GPHN: variants seen among roughly 807,000 people sequenced by gnomAD.
The protein encoded by GPHN is gephyrin.
GPHN carries 17 observed loss-of-function variants against 95.5 expected under a neutral mutation model. The ratio of observed to expected loss-of-function variants is 0.18; its 90% CI spans 0.12 to 0.27. The LOEUF is 0.27. GPHN is among the 10% of genes least tolerant of loss of function. The pLI, the probability that GPHN is intolerant of heterozygous loss-of-function variation, is 1.00. For synonymous variants in GPHN, 320 were observed against 322.5 expected (o/e 0.99, Z 0.08); for missense variants, 660 against 978.1 (o/e 0.67, Z 4.34).
rs781045927 is a variant in GPHN, at chr14:66,924,230, G to A, written c.766G>A (p.Ala256Thr). 1 of 1,611,036 alleles carries A rather than the reference G, an allele frequency of 6.2e-7. No homozygotes were observed. Among genetic ancestry groups the A allele is most frequent in the South Asian group, 1.1e-5 (1 of 91,030 alleles). ...CTACACCAGTCCTGCTGTTGTCATG[G>A]CACACGGTGAACAGCCCATCCCTGG... is the stretch of plus-strand genomic sequence containing the variant. ...PFYTSPAVVM[A>T]HGEQPIPGLI... The change falls in exon 8 of 23, where the codon GCA becomes ACA. Residue 256 changes from alanine to threonine, a missense_variant. Around this residue, in one of 6 missense-constraint regions of GPHN, gnomAD observed 190 missense variants for 224.7 expected, o/e 0.85. Transcript: ENST00000478722.
chr14:67,091,553 G>A (rs1037018864), intron 12 of GPHN, among the ~76,000 whole-genome samples: 2 of 151,920 alleles, frequency 1.3e-5, no homozygotes, highest in African/African-American at 4.8e-5. Flanking sequence ...TGAAACACCA[G>A]AGACAAAGAA....
chr14:67,631,096 T>G, the GPHN span, among the ~76,000 whole-genome samples: 1 of 152,170 alleles, frequency 6.6e-6, no homozygotes, highest in Non-Finnish European at 1.5e-5. Context: ...TAACCTGTCC[T>G]TTCGGTAATT....
At chr14:66,858,317 G>A (rs2062881884) in intron 4 of GPHN, among the ~76,000 whole-genome samples, 1 of 151,740 alleles carries the variant, frequency 6.6e-6, no homozygotes. Context: ...CTTGCATTTG[G>A]AAACCAGCTC....
intron 9 of GPHN, among the ~76,000 whole-genome samples, chr14:67,001,354 A>C (rs1353139389): frequency 6.6e-6 from 1 of 150,788 alleles, no homozygotes; most frequent in African/African-American, 2.4e-5. Flanking sequence ...AAATGATGGC[A>C]CATTATAATA....
chr14:67,561,020 C>G, the GPHN span, among the ~76,000 whole-genome samples: 615 of 152,192 alleles, frequency 4.0e-3, 5 homozygotes, highest in African/African-American at 0.014. Context: ...TGTGAGCCAC[C>G]ACACCCGGCT....
chr14:67,106,678 C>T (rs932494297), intron 13 of GPHN, among the ~76,000 whole-genome samples: 2 of 151,988 alleles, frequency 1.3e-5, no homozygotes, highest in African/African-American at 4.8e-5. Flanking sequence ...ATTTCTCTAT[C>T]TTTGTTGAAT....
At chr14:67,729,938 A>G in the GPHN span, 1 of 405,116 alleles carries the variant, frequency 2.5e-6, no homozygotes, top group Middle Eastern at 4.5e-4. Context: ...TCCATGACAG[A>G]ATCCAGCCCT....
chr14:67,200,099 C>A, the GPHN span: 1 of 1,027,352 alleles, frequency 9.7e-7, no homozygotes, highest in Middle Eastern at 2.8e-4. Flanking sequence ...CCTGGACCTC[C>A]TCCAATGGGC....
the GPHN span, among the ~76,000 whole-genome samples, chr14:67,597,041 A>G: frequency 6.6e-6 from 1 of 152,192 alleles, no homozygotes; most frequent in Non-Finnish European, 1.5e-5. Flanking sequence ...TCTGTAAACT[A>G]TTTGGGCCTG....
In GPHN at chr14:66,691,253, C is replaced by T. The variant is rs533893842; in HGVS notation, c.143+10068C>T. Among the ~76,000 whole-genome samples the T allele has an allele frequency of 2.1e-4, 32 of 151,962 alleles. 1 individual carries two copies. The highest frequency in any genetic ancestry group is 7.7e-4 in the African/African-American group (32 of 41,450). ...AGGCTGAAGTGCAGTGGCGCAATCT[C>T]GGCTCACTGCAACGACCGCCTCCTG... On this transcript the variant is annotated intron_variant, in intron 2 of 22. Transcript: ENST00000478722.
At chr14:67,709,371 T>C in the GPHN span, among the ~76,000 whole-genome samples, 1 of 152,212 alleles carries the variant, frequency 6.6e-6, no homozygotes, top group Non-Finnish European at 1.5e-5. Flanking sequence ...TTCAAAATTT[T>C]ATAAACAATC....
At chr14:66,924,705 T>G (rs7146635) in intron 8 of GPHN, among the ~76,000 whole-genome samples, 44,776 of 152,044 alleles carry the variant, frequency 0.29, 10,638 homozygotes, top group African/African-American at 0.63. Flanking sequence ...TTAACCTTCC[T>G]GTTTTGTCTT....
chr14:67,152,198 A>T (rs1386672036), intron 18 of GPHN, among the ~76,000 whole-genome samples: 1 of 152,242 alleles, frequency 6.6e-6, no homozygotes, highest in Non-Finnish European at 1.5e-5. Context: ...CCTAGAAGTG[A>T]TATTACCACT....
At chr14:66,758,247 G>A (rs932553249) in intron 2 of GPHN, among the ~76,000 whole-genome samples, 1 of 152,162 alleles carries the variant, frequency 6.6e-6, no homozygotes, top group African/African-American at 2.4e-5. Flanking sequence ...TGGCTTTCAG[G>A]CTTTAAACTG....
At chr14:66,878,029 A>G (rs1370697513) in intron 4 of GPHN, among the ~76,000 whole-genome samples, 1 of 152,186 alleles carries the variant, frequency 6.6e-6, no homozygotes, top group South Asian at 2.1e-4. Flanking sequence ...AAACAGATAT[A>G]TAGACCAATG....
At chr14:66,664,828 TA>T (rs1465156510) in intron 1 of GPHN, among the ~76,000 whole-genome samples, 2 of 151,746 alleles carry the variant, frequency 1.3e-5, no homozygotes, top group African/African-American at 4.8e-5. Context: ...CATCAGAGAA[TA>T]TTATAAACAC....
the GPHN span, chr14:67,587,351 T>G: frequency 8.4e-7 from 1 of 1,184,056 alleles, no homozygotes; most frequent in Non-Finnish European, 1.3e-6. Flanking sequence ...TCTTGTTCTG[T>G]GAAATGTGTA....
At chr14:66,862,839 G>A (rs911007278) in intron 4 of GPHN, among the ~76,000 whole-genome samples, 5 of 152,042 alleles carry the variant, frequency 3.3e-5, no homozygotes, top group African/African-American at 1.2e-4. Context: ...CATAATAAGA[G>A]CTATATGCAG....
intron 10 of GPHN, among the ~76,000 whole-genome samples, chr14:67,053,586 G>A (rs2075412444): frequency 6.6e-6 from 1 of 152,130 alleles, no homozygotes; most frequent in South Asian, 2.1e-4. Flanking sequence ...CAACTGAAAA[G>A]GAGGGACTCC....
Sources: gnomAD v4.1 joint callset for allele counts (sites outside exome capture counted in the v4.1 genomes callset) on GRCh38, gnomAD v4.1.1 for gene constraint, gnomAD v4.1.1 regional missense constraint, MANE v1.5 for transcripts, NCBI Gene and HGNC (gene_info 2026-07-23, HGNC 2026-07-21) for gene names.